SPC25: variants seen among roughly 807,000 people sequenced by gnomAD.
SPC25 encodes the protein SPC25 component of NDC80 kinetochore complex, also known as kinetochore protein Spc25.
SPC25 carries 22 observed loss-of-function variants against 29.6 expected under a neutral mutation model. The observed-to-expected ratio is 0.74, with a 90% CI of 0.53 to 1.06. The LOEUF (loss-of-function observed/expected upper bound fraction) is 1.06, where lower values mean the gene tolerates loss of function less well. SPC25 is among the 50% of genes least tolerant of loss of function. The pLI is 0.00. For synonymous variants in SPC25, 91 were observed against 90.4 expected, an observed-to-expected ratio of 1.01 and a Z score of -0.04; for missense variants, 230 against 255.8, an observed-to-expected ratio of 0.90 and a Z score of 0.69.
At chr2:168,884,542 C>T (rs1366021274) in intron 3 of SPC25, among the ~76,000 whole-genome samples, 1 of 152,098 alleles carries the variant, frequency 6.6e-6, no homozygotes, top group African/African-American at 2.4e-5. Flanking sequence ...TTTCTTGTTC[C>T]CAAAATATCT....
intron 3 of SPC25, among the ~76,000 whole-genome samples, chr2:168,882,606 T>C (rs1265912569): frequency 1.3e-5 from 2 of 148,908 alleles, no homozygotes; most frequent in Non-Finnish European, 3.0e-5. Context: ...GTCTCAAAAA[T>C]AAATAAATAA....
intron 4 of SPC25, chr2:168,864,887 T>C: frequency 1.2e-6 from 2 of 1,614,050 alleles, no homozygotes; most frequent in Non-Finnish European, 1.7e-6. Flanking sequence ...GTTTGGATCT[T>C]TGAATGGGAA....
chr2:168,878,159 A>G (rs1245825483), intron 3 of SPC25, among the ~76,000 whole-genome samples: 1 of 152,216 alleles, frequency 6.6e-6, no homozygotes, highest in East Asian at 1.9e-4. Context: ...CTAAAGCTAA[A>G]ACAAAAAATT....
At chr2:168,866,989 G>T (rs1179328158), downstream of SPC25, among the ~76,000 whole-genome samples, 1 of 152,184 alleles carries the variant, frequency 6.6e-6, no homozygotes, top group Non-Finnish European at 1.5e-5. Flanking sequence ...GTGCTGGAGA[G>T]GATGTGGAGA....
downstream of SPC25, among the ~76,000 whole-genome samples, chr2:168,868,098 A>G (rs958769130): frequency 1.9e-3 from 285 of 152,348 alleles, no homozygotes; most frequent in Non-Finnish European, 3.5e-3. Flanking sequence ...CTGCTCCTGA[A>G]TGACTACTGG....
At chr2:168,863,460 C>T (rs978896520) in intron 4 of SPC25, 141 of 985,122 alleles carry the variant, frequency 1.4e-4, no homozygotes, top group Non-Finnish European at 1.6e-4. Flanking sequence ...GCTCTTGGAT[C>T]CTGACGGGGG....
At chr2:168,866,717 C>T (rs191078847), downstream of SPC25, among the ~76,000 whole-genome samples, 136 of 152,258 alleles carry the variant, frequency 8.9e-4, no homozygotes, top group African/African-American at 3.1e-3. Context: ...AAAATTTTTG[C>T]CACCTACCAT....
At chr2:168,888,487 G>A (rs373206897) in intron 3 of SPC25, among the ~76,000 whole-genome samples, 5 of 151,776 alleles carry the variant, frequency 3.3e-5, no homozygotes, top group African/African-American at 7.2e-5. Context: ...CCCAGGAGGC[G>A]GAGCTTGCAG....
chr2:168,888,575 A>G (rs1202042810), intron 3 of SPC25, among the ~76,000 whole-genome samples: 1 of 152,056 alleles, frequency 6.6e-6, no homozygotes, highest in Non-Finnish European at 1.5e-5. Flanking sequence ...CCTGTCTCAA[A>G]AAATGACACA....
chr2:168,879,732 CA>C (rs1225722979), intron 3 of SPC25, among the ~76,000 whole-genome samples: 2 of 152,184 alleles, frequency 1.3e-5, no homozygotes, highest in Non-Finnish European at 2.9e-5. Flanking sequence ...CCAGATCTAT[CA>C]GAGTTAATCA....
At chr2:168,888,984 T>A (rs552718755) in intron 3 of SPC25, among the ~76,000 whole-genome samples, 2 of 87,942 alleles carry the variant, frequency 2.3e-5, no homozygotes, top group East Asian at 3.0e-4. Context: ...CACACACACA[T>A]ATATATGTAT....
At chr2:168,888,679 G>A (rs1262817002) in intron 3 of SPC25, among the ~76,000 whole-genome samples, 1 of 151,778 alleles carries the variant, frequency 6.6e-6, no homozygotes, top group Non-Finnish European at 1.5e-5. Context: ...AAACTGTATA[G>A]TATGTCAATG....
At chr2:168,875,780 T>C (rs1690074306) in intron 5 of SPC25, among the ~76,000 whole-genome samples, 2 of 152,246 alleles carry the variant, frequency 1.3e-5, no homozygotes, top group South Asian at 2.1e-4. Flanking sequence ...ATTACCATTA[T>C]GAAGACTATA....
chr2:168,872,770 A>G (rs1690017235), intron 6 of SPC25, among the ~76,000 whole-genome samples: 1 of 152,318 alleles, frequency 6.6e-6, no homozygotes, highest in Admixed American at 6.5e-5. Context: ...ATATTTATCT[A>G]GAGAGAAAAA....
rs904558773 is a variant in SPC25, at chr2:168,889,647, T to G, written c.-14-114A>C. On this transcript the variant is annotated intron_variant, in intron 1 of 6. Transcript: ENST00000282074. ...TGTCCTTTGCTAGAAAATAGCAACT[T>G]ATCTTTAATTCTAGGTATTCAAGGG... The G allele has an allele frequency of 1.7e-5, 18 of 1,079,228 alleles. No homozygotes were observed. The African/African-American group carries it at 2.2e-4, about 13-fold the overall frequency. The allele number at this position is 1,079,228 out of a possible 1,614,324, so 66.9% of individuals were successfully genotyped here. A position where few individuals can be genotyped will look rare whatever the true frequency, so the allele number is the denominator to read the frequency against.
intron 4 of SPC25, among the ~76,000 whole-genome samples, chr2:168,864,218 C>G (rs996823321): frequency 3.3e-5 from 5 of 151,662 alleles, no homozygotes; most frequent in African/African-American, 1.2e-4. Flanking sequence ...TCTGCCTAAT[C>G]TGCCCATCGC....
intron 4 of SPC25, chr2:168,864,802 A>C (rs750550170): frequency 6.2e-7 from 1 of 1,612,754 alleles, no homozygotes; most frequent in Non-Finnish European, 8.5e-7. Context: ...TTCACATCAC[A>C]GAGACCCATT....
chr2:168,865,827 A>AACAG (rs1213307582), intron 4 of SPC25, among the ~76,000 whole-genome samples: 1 of 152,234 alleles, frequency 6.6e-6, no homozygotes, highest in East Asian at 1.9e-4. Flanking sequence ...ATACACCAAT[A>AACAG]ACAGACAAAC....
At chr2:168,876,001 A>C (rs1384458277) in intron 5 of SPC25, 71 bp downstream of exon 5, 1 of 821,116 alleles carries the variant, frequency 1.2e-6, no homozygotes, top group East Asian at 3.3e-5. Context: ...AATATTTTTA[A>C]AATTTTCCTC....
Sources: gnomAD v4.1 joint callset for allele counts (sites outside exome capture counted in the v4.1 genomes callset) on GRCh38, gnomAD v4.1.1 for gene constraint, MANE v1.5 for transcripts, NCBI Gene and HGNC (gene_info 2026-07-23, HGNC 2026-07-21) for gene names.